HCK: variants seen among roughly 807,000 people sequenced by gnomAD.
HCK encodes HCK proto-oncogene, Src family tyrosine kinase, also known as tyrosine-protein kinase HCK.
HCK carries 40 observed loss-of-function variants against 70.4 expected under a neutral mutation model. That is an observed-to-expected ratio of 0.57 (90% confidence interval 0.44 to 0.74). The LOEUF (loss-of-function observed/expected upper bound fraction) is 0.74, where lower values mean the gene tolerates loss of function less well. Among genes scored for constraint, HCK ranks in the 30% least tolerant of loss-of-function variants. HCK has a pLI of 0.00. For missense variants in HCK, 568 were observed against 697.2 expected, an observed-to-expected ratio of 0.81 and a Z score of 2.09; for synonymous variants, 245 against 263.2, an observed-to-expected ratio of 0.93 and a Z score of 0.67.
chr20:32,071,747 G>A lies in HCK; in HGVS notation c.148G>A (p.Val50Met), dbSNP rs770523793. 1 of 1,614,028 alleles carries A rather than the reference G, an allele frequency of 6.2e-7. No homozygotes were observed. The highest frequency in any genetic ancestry group is 1.7e-5 in the Admixed American group (1 of 59,998). The change falls in exon 2 of 13, where the codon GTG becomes ATG. Residue 50 changes from valine (V) to methionine (M), a missense_variant. Transcript: ENST00000375852. ...AACCAGCGCCAGCCCACACTGTCCT[G>A]TGTACGTGCCGGATCCCACATCCAC...
chr20:32,077,206 C>T (rs1241782026), intron 5 of HCK, among the ~76,000 whole-genome samples: 1 of 152,176 alleles, frequency 6.6e-6, no homozygotes, highest in Non-Finnish European at 1.5e-5. Context: ...ACAACTGGGA[C>T]CTTGGGAATC....
intron 3 of HCK, 69 bp downstream of exon 3, chr20:32,073,430 G>A: frequency 7.4e-7 from 1 of 1,360,206 alleles, no homozygotes; most frequent in Non-Finnish European, 1.0e-6. Flanking sequence ...TTCTCCCTTA[G>A]CTTGAGGCAT....
At chr20:32,081,355 C>T (rs894389046) in intron 6 of HCK, among the ~76,000 whole-genome samples, 16 of 152,154 alleles carry the variant, frequency 1.1e-4, no homozygotes, top group Non-Finnish European at 5.9e-5. Flanking sequence ...GAAAACATCG[C>T]GTAGCTCAAA....
intron 11 of HCK, 46 bp downstream of exon 11, chr20:32,094,062 T>C: frequency 6.3e-7 from 1 of 1,578,116 alleles, no homozygotes; most frequent in Non-Finnish European, 8.6e-7. Flanking sequence ...TTTGGATGCT[T>C]GTGAGTGTTG....
intron 1 of HCK, among the ~76,000 whole-genome samples, chr20:32,056,515 C>T (rs1450276645): frequency 7.5e-6 from 1 of 132,660 alleles, no homozygotes; most frequent in South Asian, 2.2e-4. Flanking sequence ...GACTCCTTCT[C>T]AGAAAAAAAA....
chr20:32,084,059 G>C lies in HCK; in HGVS notation c.682+16G>C. ...CACTACAAGAGTGAGTCCCACCCCAGGGGTGACATCCCCACCACGATGGGC... is the reference window on the plus strand; with the variant it reads ...CACTACAAGAGTGAGTCCCACCCCACGGGTGACATCCCCACCACGATGGGC... On this transcript the variant is annotated intron_variant, in intron 7 of 12. Coordinates refer to ENST00000375852, the MANE Select transcript of HCK (RefSeq NM_002110.5). The C allele has an allele frequency of 6.2e-7, 1 of 1,611,112 alleles. No individual in the cohort carries two copies. Among genetic ancestry groups the C allele is most frequent in the Non-Finnish European group, 8.5e-7 (1 of 1,178,988 alleles).
rs1032061687 is a variant in HCK at position 32,101,705 on chromosome 20, C to T, written c.*186C>T. 4.0e-6 allele frequency: 2 copies of T among 501,878 alleles called. No homozygotes were observed. The highest frequency in any genetic ancestry group is 3.9e-5 in the African/African-American group (2 of 51,926). 31.1% of individuals were successfully genotyped at this position (501,878 alleles called of 1,614,324 possible). On this transcript the variant is annotated 3_prime_UTR_variant, in exon 13 of 13. Coordinates refer to ENST00000375852, the MANE Select transcript of HCK (RefSeq NM_002110.5). ...ATCTCTTTTTGACTCTTGCAATCCA[C>T]AATCTGACATTCTCAGGAAGCCCCC...
chr20:32,086,475 G>A (rs1298321005), intron 8 of HCK, among the ~76,000 whole-genome samples, 153 bp from the exon 9 acceptor site: 2 of 152,240 alleles, frequency 1.3e-5, no homozygotes, highest in African/African-American at 4.8e-5. Flanking sequence ...ACAGTTGTCT[G>A]AGGCCTAAGC....
chr20:32,101,726 C>A lies in HCK; in HGVS notation c.*207C>A. On this transcript the variant is annotated 3_prime_UTR_variant, in exon 13 of 13. Transcript: ENST00000375852. ...TCCACAATCTGACATTCTCAGGAAG[C>A]CCCCAAGTTGATATTTCTATTTCCT... 1 of 461,082 alleles carries A rather than the reference C, an allele frequency of 2.2e-6. No homozygotes were observed. Among genetic ancestry groups the A allele is most frequent in the South Asian group, 4.5e-5 (1 of 22,170 alleles). The allele number at this position is 461,082 out of a possible 1,614,324, so 28.6% of individuals were successfully genotyped here. A position where few individuals can be genotyped will look rare whatever the true frequency, so the allele number is the denominator to read the frequency against.
At chr20:32,059,483 C>A (rs1305650580) in intron 1 of HCK, among the ~76,000 whole-genome samples, 2 of 139,482 alleles carry the variant, frequency 1.4e-5, no homozygotes, top group Non-Finnish European at 1.5e-5. Flanking sequence ...CCTCCTTCTT[C>A]TTCTTTCTTG....
chr20:32,101,408 G>A lies in HCK; in HGVS notation c.1470G>A (p.Met490Ile). Reference sequence around the variant, plus strand: ...GCCCAGAGGAGCTCTACAACATCATGATGCGCTGCTGGAAAAACCGTCCGG... The same window carrying A: ...GCCCAGAGGAGCTCTACAACATCATAATGCGCTGCTGGAAAAACCGTCCGG... Residue 490 changes from methionine to isoleucine, a missense_variant, in exon 13 of 13, where the codon ATG becomes ATA. Met to Ile is a conservative substitution (Grantham distance 10). Coordinates refer to ENST00000375852, the MANE Select transcript of HCK (RefSeq NM_002110.5). The A allele has an allele frequency of 1.9e-6, 3 of 1,614,196 alleles. No homozygotes were observed. Among genetic ancestry groups the A allele is most frequent in the Non-Finnish European group, 2.5e-6 (3 of 1,180,030 alleles).
intron 1 of HCK, among the ~76,000 whole-genome samples, chr20:32,058,927 T>C (rs1218178995): frequency 6.6e-6 from 1 of 152,190 alleles, no homozygotes; most frequent in Non-Finnish European, 1.5e-5. Context: ...CTGTTCTCGC[T>C]CCTGTCTTTT....
chr20:32,094,705 A>AAAAGAAAGAAAGAAAGAAAG (rs71185377), intron 11 of HCK, among the ~76,000 whole-genome samples: 6 of 74,914 alleles, frequency 8.0e-5, no homozygotes, highest in South Asian at 4.7e-4. Flanking sequence ...AAAAGAAAAG[A>AAAAGAAAGAAAGAAAGAAAG]AAAGAAAGAA....
chr20:32,079,750 T>C (rs2045680986), intron 5 of HCK, 24 bp from the exon 6 acceptor site: 1 of 1,562,038 alleles, frequency 6.4e-7, no homozygotes, highest in African/African-American at 1.4e-5. Context: ...CAGGTTCACA[T>C]TTGTCCCCTC....
At chr20:32,088,407 T>G (rs1265035491) in intron 9 of HCK, among the ~76,000 whole-genome samples, 161 bp from the exon 10 acceptor site, 2 of 152,230 alleles carry the variant, frequency 1.3e-5, no homozygotes, top group African/African-American at 4.8e-5. Context: ...TCAATTCTCT[T>G]TCTCAAACAC....
chr20:32,082,444 C>A (rs1461243070), intron 6 of HCK, among the ~76,000 whole-genome samples: 1 of 151,906 alleles, frequency 6.6e-6, no homozygotes, highest in African/African-American at 2.4e-5. Flanking sequence ...GAGTTGGAGA[C>A]CAGCCTGGCC....
At chr20:32,065,554 C>A (rs1356211274) in intron 1 of HCK, among the ~76,000 whole-genome samples, 1 of 152,184 alleles carries the variant, frequency 6.6e-6, no homozygotes, top group Non-Finnish European at 1.5e-5. Context: ...CAGCTTTTAC[C>A]TTGATGATGT....
In HCK at chr20:32,074,228, G is replaced by A. The variant is rs115133498; in HGVS notation, c.330-395G>A. On this transcript the variant is annotated intron_variant, in intron 4 of 12. Coordinates refer to ENST00000375852, the MANE Select transcript of HCK (RefSeq NM_002110.5). ...CCAGGATGTGCTGAAGCCCGAGAAC[G>A]GGAGTGGTCATGCCTGGTCGGACTC... 1.9e-3 allele frequency among the ~76,000 whole-genome samples: 294 copies of A among 152,208 alleles called. 1 individual carries two copies. Among genetic ancestry groups the A allele is most frequent in the African/African-American group, 6.2e-3 (259 of 41,530 alleles).
chr20:32,073,421 T>C lies in HCK; in HGVS notation c.226+60T>C. On this transcript the variant is annotated intron_variant, in intron 3 of 12. Coordinates refer to ENST00000375852, the MANE Select transcript of HCK (RefSeq NM_002110.5). ...TGTCCTGCAGAGGACTCCGCTAGGT[T>C]CTCCCTTAGCTTGAGGCATAAATCC... 3 of 1,429,160 alleles carry C rather than the reference T, an allele frequency of 2.1e-6. No homozygotes were observed. The East Asian group carries it at 6.9e-5, about 33-fold the overall frequency. The allele number at this position is 1,429,160 out of a possible 1,614,324, so 88.5% of individuals were successfully genotyped here.
Sources: gnomAD v4.1 joint callset for allele counts (sites outside exome capture counted in the v4.1 genomes callset) on GRCh38, gnomAD v4.1.1 for gene constraint, MANE v1.5 for transcripts, NCBI Gene and HGNC (gene_info 2026-07-23, HGNC 2026-07-21) for gene names.